Variants in DTNB observed in about 807,000 individuals in gnomAD.
DTNB encodes the protein DTN-B.
A neutral mutation model predicts 90.7 loss-of-function variants in DTNB; 63 were observed. That is an observed-to-expected ratio of 0.69 (90% CI 0.57 to 0.86). The LOEUF (loss-of-function observed/expected upper bound fraction) is 0.86, where lower values mean the gene tolerates loss of function less well. Ranked by LOEUF, DTNB falls within the 40% of genes least tolerant of loss-of-function variation. The probability of loss-of-function intolerance (pLI) is 0.00; values close to 1 mark genes in which losing one functional copy is unlikely to be tolerated. For synonymous variants in DTNB, 277 were observed against 286.7 expected (o/e 0.97, Z 0.34); for missense variants, 744 against 807.1 (o/e 0.92, Z 0.95).
At chr2:25,498,167 AATGACAAAAACTACACAAGTATT>A (rs2069453293) in intron 9 of DTNB, among the ~76,000 whole-genome samples, 1 of 152,170 alleles carries the variant, frequency 6.6e-6, no homozygotes, top group Non-Finnish European at 1.5e-5. Flanking sequence ...AACAAAACAA[AATGACAAAAACTACACAAGTATT>A]TACACTAAAA....
chr2:25,475,319 TAGA>T (rs2063548818), intron 10 of DTNB, among the ~76,000 whole-genome samples: 1 of 152,196 alleles, frequency 6.6e-6, no homozygotes, highest in Admixed American at 6.5e-5. Context: ...GTGGTCTGGA[TAGA>T]AGATCAAATC....
At chr2:25,530,981 A>C (rs1473391758) in intron 9 of DTNB, among the ~76,000 whole-genome samples, 2 of 152,208 alleles carry the variant, frequency 1.3e-5, no homozygotes, top group African/African-American at 4.8e-5. Context: ...ATTCAACTAA[A>C]TACATATAAA....
chr2:25,427,225 T>A (rs1425121577), intron 15 of DTNB, among the ~76,000 whole-genome samples: 3 of 98,234 alleles, frequency 3.1e-5, no homozygotes, highest in Non-Finnish European at 4.4e-5. Context: ...ACACACACAC[T>A]ACTTTAAGTA....
chr2:25,468,779 G>A (rs1223177653), intron 10 of DTNB, among the ~76,000 whole-genome samples: 1 of 152,038 alleles, frequency 6.6e-6, no homozygotes, highest in Non-Finnish European at 1.5e-5. Flanking sequence ...CCTAATATGT[G>A]GTTATTTTAG....
intron 14 of DTNB, among the ~76,000 whole-genome samples, chr2:25,432,586 A>G (rs904444988): frequency 5.9e-5 from 9 of 152,258 alleles, no homozygotes; most frequent in Non-Finnish European, 1.2e-4. Flanking sequence ...GTTAAGAGAC[A>G]GACTGCAGCA....
chr2:25,636,838 T>C (rs1044129689), intron 3 of DTNB, among the ~76,000 whole-genome samples: 1 of 151,824 alleles, frequency 6.6e-6, no homozygotes, highest in Non-Finnish European at 1.5e-5. Context: ...CAACTCACAA[T>C]GTAAAAAATA....
Position 25,604,183 on chromosome 2 carries a change from C to T in DTNB, c.448+3053G>A, listed in dbSNP as rs535054493. Among the ~76,000 whole-genome samples, 4 of 151,916 alleles carry T rather than the reference C, an allele frequency of 2.6e-5. No homozygotes were observed. In the South Asian group the frequency reaches 6.2e-4, roughly 24 times the overall value. ...ATAAAGGACATACACAAACCACTGC[C>T]GCCACCACCACCACCACCACCAACA... On this transcript the variant is annotated intron_variant, in intron 5 of 20. Coordinates refer to ENST00000406818, the MANE Select transcript of DTNB (RefSeq NM_021907.5).
intron 3 of DTNB, among the ~76,000 whole-genome samples, chr2:25,637,001 G>A (rs2077256839): frequency 6.6e-6 from 1 of 151,886 alleles, no homozygotes; most frequent in Non-Finnish European, 1.5e-5. Context: ...AAGATTATTT[G>A]TTTATAATAA....
intron 6 of DTNB, among the ~76,000 whole-genome samples, chr2:25,582,195 T>C (rs2061652444): frequency 6.6e-6 from 1 of 152,182 alleles, no homozygotes; most frequent in African/African-American, 2.4e-5. Context: ...ACTAAAAATA[T>C]ATATATTTAA....
At chr2:25,630,442 C>T (rs935584464) in intron 3 of DTNB, among the ~76,000 whole-genome samples, 3 of 152,128 alleles carry the variant, frequency 2.0e-5, no homozygotes, top group Non-Finnish European at 4.4e-5. Flanking sequence ...GTGCATTATT[C>T]ATAAAAGCCA....
intron 12 of DTNB, among the ~76,000 whole-genome samples, chr2:25,435,366 C>A (rs557144840): frequency 1.3e-5 from 2 of 152,246 alleles, no homozygotes; most frequent in South Asian, 4.1e-4. Flanking sequence ...AAGCCACCAC[C>A]CCAAAAAGAA....
At chr2:25,594,824 C>T (rs947984286) in intron 6 of DTNB, 7 of 152,168 alleles carry the variant, frequency 4.6e-5, no homozygotes, top group Non-Finnish European at 1.5e-5. Context: ...ACAGGACATG[C>T]TCTTAAATAA....
At chr2:25,527,852 T>G (rs750290081) in intron 9 of DTNB, among the ~76,000 whole-genome samples, 20 of 152,148 alleles carry the variant, frequency 1.3e-4, no homozygotes, top group Non-Finnish European at 2.9e-4. Context: ...CTTCCAAATC[T>G]TGAACAAGCT....
Position 25,412,495 on chromosome 2 carries a change from C to A in DTNB, c.1575+7020G>T, listed in dbSNP as rs181500937. ...ACTACCTAAGCTGGGCCAAGGCCACCCTGAAGGAGCTTCCTATCCTTACAT... is the reference window on the plus strand; with the variant it reads ...ACTACCTAAGCTGGGCCAAGGCCACACTGAAGGAGCTTCCTATCCTTACAT... On this transcript the variant is annotated intron_variant, in intron 16 of 20. Transcript: ENST00000406818. 7.5e-4 allele frequency among the ~76,000 whole-genome samples: 114 copies of A among 152,314 alleles called. No individual in the cohort carries two copies. The Middle Eastern group carries it at 0.01, about 14-fold the overall frequency.
intron 10 of DTNB, among the ~76,000 whole-genome samples, chr2:25,467,023 T>C (rs905586959): frequency 1.5e-4 from 23 of 152,182 alleles, no homozygotes; most frequent in Non-Finnish European, 2.1e-4. Flanking sequence ...TTGATGGAGA[T>C]AGTCCTTCTA....
At chr2:25,491,088 A>G (rs2067300244) in intron 9 of DTNB, among the ~76,000 whole-genome samples, 1 of 151,818 alleles carries the variant, frequency 6.6e-6, no homozygotes, top group African/African-American at 2.4e-5. Context: ...GTGAACCTAT[A>G]TTATTTTTGT....
chr2:25,628,720 A>G (rs1012806953), intron 3 of DTNB, among the ~76,000 whole-genome samples: 2 of 152,192 alleles, frequency 1.3e-5, no homozygotes, highest in Non-Finnish European at 2.9e-5. Context: ...CTTTTTGAAA[A>G]TTTGCTGTAT....
chr2:25,634,194 G>A (rs1385451921), intron 3 of DTNB, among the ~76,000 whole-genome samples: 1 of 146,990 alleles, frequency 6.8e-6, no homozygotes, highest in African/African-American at 2.5e-5. Flanking sequence ...GGGAAGTGAG[G>A]GGCCCCTCTG....
At chr2:25,543,292 GT>G (rs1230730527) in intron 8 of DTNB, among the ~76,000 whole-genome samples, 2 of 146,226 alleles carry the variant, frequency 1.4e-5, no homozygotes, top group South Asian at 2.2e-4. Context: ...ATAGAGACAG[GT>G]TTTTTTTGTT....
Sources: gnomAD v4.1 joint callset for allele counts (sites outside exome capture counted in the v4.1 genomes callset) on GRCh38, gnomAD v4.1.1 for gene constraint, MANE v1.5 for transcripts, NCBI Gene and HGNC (gene_info 2026-07-23, HGNC 2026-07-21) for gene names.